The following PPAT variants were observed in gnomAD, a reference collection of about 807,000 sequenced individuals.
PPAT encodes phosphoribosyl pyrophosphate amidotransferase.
PPAT carries 20 observed loss-of-function variants against 60.2 expected under a neutral mutation model. The ratio of observed to expected loss-of-function variants is 0.33; its 90% CI spans 0.23 to 0.48. PPAT has a LOEUF of 0.48. Ranked by LOEUF, PPAT falls within the 20% of genes least tolerant of loss-of-function variation. The pLI, the probability that PPAT is intolerant of heterozygous loss-of-function variation, is 0.99. For synonymous variants in PPAT, 194 were observed against 215.1 expected, an observed-to-expected ratio of 0.90 and a Z score of 0.86; for missense variants, 349 against 629.6, an observed-to-expected ratio of 0.55 and a Z score of 4.77.
At chr4:56,430,912 G>A (rs1717550336) in intron 1 of PPAT, among the ~76,000 whole-genome samples, 1 of 151,916 alleles carries the variant, frequency 6.6e-6, no homozygotes, top group Non-Finnish European at 1.5e-5. Flanking sequence ...TCCCAATATT[G>A]ACCAGAATGA....
intron 1 of PPAT, chr4:56,421,584 G>T (rs1001324776): frequency 6.6e-6 from 1 of 152,204 alleles, no homozygotes; most frequent in African/African-American, 2.4e-5. Flanking sequence ...TTATTATCTG[G>T]CTTAAATGAT....
At chr4:56,435,053 G>A (rs1717822259) in intron 1 of PPAT, among the ~76,000 whole-genome samples, 1 of 152,184 alleles carries the variant, frequency 6.6e-6, no homozygotes, top group Admixed American at 6.5e-5. Context: ...CAAGCAAACC[G>A]GCGGTTTACA....
intron 1 of PPAT, among the ~76,000 whole-genome samples, chr4:56,417,967 G>A (rs1716854681): frequency 6.6e-6 from 1 of 151,376 alleles, no homozygotes; most frequent in Non-Finnish European, 1.5e-5. Context: ...AGCCTCCTGA[G>A]TAGCTGGGAT....
At chr4:56,425,457 G>C (rs574416912) in intron 1 of PPAT, 1 of 870,750 alleles carries the variant, frequency 1.1e-6, no homozygotes, top group Admixed American at 6.2e-5. Context: ...TCAGACATAG[G>C]TATGCTGCTA....
chr4:56,397,657 T>TAA (rs1423983585), intron 9 of PPAT, among the ~76,000 whole-genome samples: 2 of 152,142 alleles, frequency 1.3e-5, no homozygotes, highest in African/African-American at 4.8e-5. Flanking sequence ...AATCTTAAAA[T>TAA]AACTTAATAT....
At chr4:56,426,272 C>T (rs888970261) in intron 1 of PPAT, among the ~76,000 whole-genome samples, 2 of 152,080 alleles carry the variant, frequency 1.3e-5, no homozygotes, top group South Asian at 2.1e-4. Flanking sequence ...GTGGTGGCCG[C>T]GCACCTGTGG....
At position 56,425,430 on chromosome 4, in the gene PPAT, A is replaced by C. The variant is rs1160611838; in HGVS notation, c.128+9920T>G. On this transcript the variant is annotated intron_variant, in intron 1 of 10. Coordinates refer to ENST00000264220, the MANE Select transcript of PPAT (RefSeq NM_002703.5). Reference sequence around the variant, plus strand: ...ACTTCAGAAAACCGAAGACTTACAAATGTGAAAAAAGAAAGCTCAGACATA... The same window carrying C: ...ACTTCAGAAAACCGAAGACTTACAACTGTGAAAAAAGAAAGCTCAGACATA... 10 of 934,750 alleles carry C rather than the reference A, an allele frequency of 1.1e-5. No individual in the cohort carries two copies. In the African/African-American group the frequency reaches 1.6e-4, roughly 15 times the overall value. 57.9% of individuals were successfully genotyped at this position (934,750 alleles called of 1,614,324 possible).
At chr4:56,423,835 A>G (rs1307004668) in intron 1 of PPAT, among the ~76,000 whole-genome samples, 4 of 152,200 alleles carry the variant, frequency 2.6e-5, no homozygotes, top group African/African-American at 9.6e-5. Context: ...CTAAATACGT[A>G]AGAAAAAAAC....
chr4:56,401,557 G>A, intron 6 of PPAT, 76 bp from the exon 7 acceptor site: 1 of 1,290,654 alleles, frequency 7.7e-7, no homozygotes, highest in Non-Finnish European at 1.1e-6. Context: ...TAATTATAAA[G>A]CACACAGAGT....
At chr4:56,417,050 T>A (rs1190944921) in intron 1 of PPAT, among the ~76,000 whole-genome samples, 3 of 152,174 alleles carry the variant, frequency 2.0e-5, no homozygotes, top group Non-Finnish European at 4.4e-5. Flanking sequence ...GGTTTCACCA[T>A]GTTAGCCAGG....
Position 56,396,743 on chromosome 4 carries a change from G to T in PPAT, c.1237-4C>A. 1.9e-6 allele frequency: 3 copies of T among 1,605,508 alleles called. No homozygotes were observed. Among genetic ancestry groups the T allele is most frequent in the Non-Finnish European group, 2.5e-6 (3 of 1,176,828 alleles). On this transcript the variant is annotated splice_polypyrimidine_tract_variant and splice_region_variant and intron_variant, in intron 9 of 10. Coordinates refer to ENST00000264220, the MANE Select transcript of PPAT (RefSeq NM_002703.5). The surrounding 1 kb of genome is among the most constrained non-coding windows in gnomAD (Gnocchi z 4.6). Reference sequence around the variant, plus strand: ...GTGAAGCTACTCGAATGTGTACCTTGGAAAGAAATCATTGCACACAAGGTT... The same window carrying T: ...GTGAAGCTACTCGAATGTGTACCTTTGAAAGAAATCATTGCACACAAGGTT...
At chr4:56,412,120 TC>T (rs778399380) in intron 1 of PPAT, among the ~76,000 whole-genome samples, 1 of 152,152 alleles carries the variant, frequency 6.6e-6, no homozygotes, top group Non-Finnish European at 1.5e-5. Context: ...CAGGAGTTGG[TC>T]TGATGAAGAT....
At chr4:56,395,641 A>T (rs1715951410) in intron 10 of PPAT, 93 bp from the exon 11 acceptor site, 7 of 913,986 alleles carry the variant, frequency 7.7e-6, no homozygotes, top group Non-Finnish European at 8.9e-6. Context: ...AGAATAATTT[A>T]AGCTAGGATA....
At chr4:56,407,874 T>C (rs1716287298) in intron 1 of PPAT, among the ~76,000 whole-genome samples, 158 bp from the exon 2 acceptor site, 1 of 152,246 alleles carries the variant, frequency 6.6e-6, no homozygotes, top group South Asian at 2.1e-4. Flanking sequence ...ATGATGCTGA[T>C]GCTGATGATT....
In PPAT at chr4:56,394,576, C is replaced by T. The variant is rs1364324361; in HGVS notation, c.*776G>A. 3.9e-5 allele frequency: 6 copies of T among 152,070 alleles called. No homozygotes were observed. Among genetic ancestry groups the T allele is most frequent in the Admixed American group, 6.6e-5 (1 of 15,256 alleles). 9.4% of individuals were successfully genotyped at this position (152,070 alleles called of 1,614,324 possible). On this transcript the variant is annotated 3_prime_UTR_variant, in exon 11 of 11. Transcript: ENST00000264220. ...ATTTTCTAGTCAAATGTAGGAAAAA[C>T]TTTTTCACAGATTTTTACAACCCTT...
chr4:56,414,064 G>T (rs1238754615), intron 1 of PPAT, among the ~76,000 whole-genome samples: 2 of 152,144 alleles, frequency 1.3e-5, no homozygotes, highest in Non-Finnish European at 2.9e-5. Flanking sequence ...GTCAATTGGG[G>T]TCTTAGAAAT....
intron 1 of PPAT, among the ~76,000 whole-genome samples, chr4:56,415,988 T>C (rs930218917): frequency 6.6e-6 from 1 of 151,706 alleles, no homozygotes; most frequent in African/African-American, 2.4e-5. Context: ...GAGAATTGCT[T>C]GAACCCGGGA....
At chr4:56,414,747 GC>G (rs1261443741) in intron 1 of PPAT, among the ~76,000 whole-genome samples, 4 of 152,138 alleles carry the variant, frequency 2.6e-5, no homozygotes, top group Non-Finnish European at 5.9e-5. Flanking sequence ...TAGAAACCCT[GC>G]CTTTATTTAC....
intron 1 of PPAT, among the ~76,000 whole-genome samples, chr4:56,419,094 G>A (rs78260694): frequency 0.027 from 4,061 of 152,266 alleles, 197 homozygotes; most frequent in African/African-American, 0.092. Context: ...ACAGTCTGGG[G>A]ATGAGGGATG....
Sources: allele counts gnomAD v4.1 joint callset (sites outside exome capture counted in the v4.1 genomes callset), GRCh38; gene constraint gnomAD v4.1.1; non-coding constraint Gnocchi (gnomAD v3.1); transcripts MANE v1.5; gene names NCBI Gene and HGNC (gene_info 2026-07-23, HGNC 2026-07-21).